Variants in INHBC observed in about 807,000 individuals in gnomAD.
INHBC encodes the protein inhibin subunit beta C.
Under a neutral mutation model 12.4 loss-of-function variants are expected in INHBC, and 10 were observed. The ratio of observed to expected loss-of-function variants is 0.81; its 90% CI spans 0.50 to 1.37. The LOEUF (loss-of-function observed/expected upper bound fraction) is 1.37. INHBC is among the 40% of genes most tolerant of loss of function. The pLI is 0.00. For missense variants in INHBC, 382 were observed against 439.4 expected, an observed-to-expected ratio of 0.87 and a Z score of 1.17; for synonymous variants, 147 against 171.6, an observed-to-expected ratio of 0.86 and a Z score of 1.12.
intron 1 of INHBC, among the ~76,000 whole-genome samples, chr12:57,444,573 C>T (rs1486024767): frequency 6.6e-6 from 1 of 151,268 alleles, no homozygotes. Flanking sequence ...ACACTGATTA[C>T]AGAGCATGAT....
At chr12:57,445,524 G>A (rs890330934) in intron 1 of INHBC, among the ~76,000 whole-genome samples, 1 of 152,106 alleles carries the variant, frequency 6.6e-6, no homozygotes, top group Admixed American at 6.6e-5. Context: ...TTTGCCTTAA[G>A]CAATGCGTTT....
At chr12:57,436,385 G>GAA (rs949724430) in intron 1 of INHBC, among the ~76,000 whole-genome samples, 1 of 143,394 alleles carries the variant, frequency 7.0e-6, no homozygotes. Flanking sequence ...CGCTGGTCTC[G>GAA]AACTCCTGAC....
At chr12:57,437,620 G>A (rs1298958552) in intron 1 of INHBC, among the ~76,000 whole-genome samples, 4 of 144,744 alleles carry the variant, frequency 2.8e-5, no homozygotes, top group Non-Finnish European at 4.5e-5. Context: ...GCAGTGAGCC[G>A]AGATTGCGCC....
Position 57,449,933 on chromosome 12 carries a change from C to T in INHBC, c.970C>T (p.Pro324Ser), listed in dbSNP as rs770846481. 1.9e-5 allele frequency: 30 copies of T among 1,586,476 alleles called. No homozygotes were observed. Among genetic ancestry groups the T allele is most frequent in the Non-Finnish European group, 2.4e-5 (28 of 1,165,400 alleles). The change falls in exon 2 of 2, where the codon CCC becomes TCC. Residue 324 changes from proline (P) to serine (S), a missense_variant. Pro to Ser is a moderately conservative substitution (Grantham distance 74). Transcript: ENST00000309668. Reference sequence around the variant, plus strand: ...ATGCTGTGTACCCACGGCCCGGCGCCCCCTGTCTCTGCTCTATTATGACAG... The same window carrying T: ...ATGCTGTGTACCCACGGCCCGGCGCTCCCTGTCTCTGCTCTATTATGACAG... ...GSCCVPTARR[P>S]LSLLYYDRDS...
At position 57,449,271 on chromosome 12, in the gene INHBC, C is replaced by T. The variant is rs373802499; in HGVS notation, c.314-6C>T. On this transcript the variant is annotated splice_polypyrimidine_tract_variant and splice_region_variant and intron_variant, in intron 1 of 1. Transcript: ENST00000309668. ...CCGCAATGACTGGGGCTTCTTATGT[C>T]CACAGGCCTCTCCACCATCAACCAG... The T allele has an allele frequency of 3.2e-5, 51 of 1,609,274 alleles. No homozygotes were observed. Among genetic ancestry groups the T allele is most frequent in the Non-Finnish European group, 4.3e-5 (51 of 1,177,468 alleles).
intron 1 of INHBC, among the ~76,000 whole-genome samples, 187 bp from the exon 2 acceptor site, chr12:57,449,090 T>G (rs766459123): frequency 1.4e-4 from 21 of 152,212 alleles, no homozygotes; most frequent in Admixed American, 4.6e-4. Context: ...ACACCTCCCA[T>G]TAGGCCCCAC....
rs769752683 is a variant in INHBC at position 57,449,812 on chromosome 12, C to G, written c.849C>G (p.His283Gln). 6.2e-7 allele frequency: 1 copy of G among 1,613,536 alleles called. No homozygotes were observed. Among genetic ancestry groups the G allele is most frequent in the South Asian group, 1.1e-5 (1 of 91,022 alleles). ...MNFCIGQCPL[H>Q]IAGMPGIAAS... Reference sequence around the variant, plus strand: ...TCTGCATAGGGCAGTGCCCACTACACATAGCAGGCATGCCTGGTATTGCTG... The same window carrying G: ...TCTGCATAGGGCAGTGCCCACTACAGATAGCAGGCATGCCTGGTATTGCTG... Residue 283 changes from histidine (H) to glutamine (Q), a missense_variant, in exon 2 of 2, where the codon CAC (histidine) becomes CAG (glutamine). By Grantham distance (24) the His-to-Gln change is conservative (BLOSUM62 0). Transcript: ENST00000309668.
At position 57,449,924 on chromosome 12, in the gene INHBC, G is replaced by T; in HGVS notation, c.961G>T (p.Ala321Ser). 6.3e-7 allele frequency: 1 copy of T among 1,594,848 alleles called. No homozygotes were observed. Among genetic ancestry groups the T allele is most frequent in the Non-Finnish European group, 8.5e-7 (1 of 1,169,720 alleles). The change falls in exon 2 of 2, where the codon GCC (alanine) becomes TCC (serine). Residue 321 changes from alanine (A) to serine (S), a missense_variant. Coordinates refer to ENST00000309668, the MANE Select transcript of INHBC (RefSeq NM_005538.4). ...AGGGGGCTCATGCTGTGTACCCACG[G>T]CCCGGCGCCCCCTGTCTCTGCTCTA... ...TGGGSCCVPT[A>S]RRPLSLLYYD...
In INHBC at chr12:57,449,829, G is replaced by A. The variant is rs577085929; in HGVS notation, c.866G>A (p.Gly289Asp). The change falls in exon 2 of 2, where the codon GGT becomes GAT. Residue 289 changes from glycine to aspartate, a missense_variant. By Grantham distance (94) the Gly-to-Asp change is moderately conservative. Transcript: ENST00000309668. ...CCACTACACATAGCAGGCATGCCTG[G>A]TATTGCTGCCTCCTTTCACACTGCA... ...QCPLHIAGMP[G>D]IAASFHTAVL... 2 of 1,613,024 alleles carry A rather than the reference G, an allele frequency of 1.2e-6. No homozygotes were observed. The highest frequency in any genetic ancestry group is 4.5e-5 in the East Asian group (2 of 44,862).
rs575194159 is a variant in INHBC, at chr12:57,435,643, G to A, written c.313+444G>A. Among the ~76,000 whole-genome samples the A allele has an allele frequency of 5.9e-4, 90 of 152,138 alleles. 1 individual carries two copies. The highest frequency in any genetic ancestry group is 5.8e-3 in the Admixed American group (89 of 15,256). Reference sequence around the variant, plus strand: ...TAAAAGAAGAAAAAATAAAACACCAGGACTGCAATACCTCACCATATGTCA... The same window carrying A: ...TAAAAGAAGAAAAAATAAAACACCAAGACTGCAATACCTCACCATATGTCA... On this transcript the variant is annotated intron_variant, in intron 1 of 1. Transcript: ENST00000309668.
At chr12:57,446,298 C>A (rs1328692859) in intron 1 of INHBC, among the ~76,000 whole-genome samples, 3 of 151,764 alleles carry the variant, frequency 2.0e-5, no homozygotes, top group African/African-American at 4.8e-5. Flanking sequence ...AGTCAAATAT[C>A]AGATAGCCAC....
intron 1 of INHBC, among the ~76,000 whole-genome samples, chr12:57,447,129 A>G (rs986076943): frequency 2.6e-5 from 4 of 152,220 alleles, no homozygotes; most frequent in Admixed American, 1.3e-4. Flanking sequence ...CACAGACATT[A>G]GAACCATTCT....
At chr12:57,449,136 G>A in intron 1 of INHBC, 141 bp from the exon 2 acceptor site, 1 of 1,112,916 alleles carries the variant, frequency 9.0e-7, no homozygotes, top group Admixed American at 2.3e-5. Context: ...CCAATTTCCA[G>A]CACATGAACT....
At chr12:57,440,948 T>A (rs1870450035) in intron 1 of INHBC, among the ~76,000 whole-genome samples, 1 of 152,138 alleles carries the variant, frequency 6.6e-6, no homozygotes, top group East Asian at 1.9e-4. Flanking sequence ...TGGCTCATGC[T>A]TGTAATCCCA....
chr12:57,442,267 T>G (rs1372614548), intron 1 of INHBC, among the ~76,000 whole-genome samples: 4 of 152,078 alleles, frequency 2.6e-5, no homozygotes, highest in Non-Finnish European at 5.9e-5. Flanking sequence ...CCAAATCAAG[T>G]CACATGGCTA....
chr12:57,434,825 A>T lies in INHBC; in HGVS notation c.-62A>T. On this transcript the variant is annotated 5_prime_UTR_variant, in exon 1 of 2. Coordinates refer to ENST00000309668, the MANE Select transcript of INHBC (RefSeq NM_005538.4). Reference sequence around the variant, plus strand: ...CTCTGGCAGCCAGGACAGAGTTGAGACCACAGCTGTTGAGACCCTGAGCCC... The same window carrying T: ...CTCTGGCAGCCAGGACAGAGTTGAGTCCACAGCTGTTGAGACCCTGAGCCC... The T allele has an allele frequency of 2.0e-6, 3 of 1,482,310 alleles. No individual in the cohort carries two copies. Among genetic ancestry groups the T allele is most frequent in the Non-Finnish European group, 2.8e-6 (3 of 1,088,372 alleles). 91.8% of individuals were successfully genotyped at this position (1,482,310 alleles called of 1,614,324 possible). A position where few individuals can be genotyped will look rare whatever the true frequency, so the allele number is the denominator to read the frequency against.
chr12:57,449,323 T>G lies in INHBC; in HGVS notation c.360T>G (p.Ser120=), dbSNP rs376746284. The change falls in exon 2 of 2, where the codon TCT becomes TCG. Residue 120 remains serine (S), a synonymous_variant. Transcript: ENST00000309668. ...CTCGTCTTGATTTTCACTTCTCCTC[T>G]GATAGAACTGCTGGTGACAGGGAGG... ...NQTRLDFHFS[S]DRTAGDREVQ... 6.2e-7 allele frequency: 1 copy of G among 1,614,082 alleles called. No homozygotes were observed.
intron 1 of INHBC, among the ~76,000 whole-genome samples, chr12:57,447,892 A>AAAAAATATATATATAT (rs1555325179): frequency 1.0e-4 from 2 of 19,874 alleles, no homozygotes; most frequent in Admixed American, 8.0e-4. Context: ...AAAAAAAAAA[A>AAAAAATATATATATAT]ATATATATAT....
intron 1 of INHBC, among the ~76,000 whole-genome samples, chr12:57,436,827 T>C (rs902264951): frequency 6.6e-6 from 1 of 151,836 alleles, no homozygotes; most frequent in Non-Finnish European, 1.5e-5. Flanking sequence ...CCACCATGCC[T>C]GGCTACTTTT....
Sources: gnomAD v4.1 joint callset for allele counts (sites outside exome capture counted in the v4.1 genomes callset) on GRCh38, gnomAD v4.1.1 for gene constraint, MANE v1.5 for transcripts, NCBI Gene and HGNC (gene_info 2026-07-23, HGNC 2026-07-21) for gene names.